ASAP1: variants seen among roughly 807,000 people sequenced by gnomAD.
ASAP1 encodes the protein ArfGAP with SH3 domain, ankyrin repeat and PH domain 1, also known as arf-GAP with SH3 domain, ANK repeat and PH domain-containing protein 1.
Under a neutral mutation model 145.2 loss-of-function variants are expected in ASAP1, and 43 were observed. The observed-to-expected ratio is 0.30, with a 90% CI of 0.23 to 0.38. The LOEUF is 0.38. ASAP1 is among the 10% of genes least tolerant of loss of function. The pLI is 1.00. For synonymous variants in ASAP1, 546 were observed against 515.5 expected, an observed-to-expected ratio of 1.06 and a Z score of -0.80; for missense variants, 1,018 against 1,355.3, an observed-to-expected ratio of 0.75 and a Z score of 3.91.
intron 3 of ASAP1, among the ~76,000 whole-genome samples, chr8:130,317,357 T>C (rs753433736): frequency 6.6e-6 from 1 of 152,146 alleles, no homozygotes; most frequent in South Asian, 2.1e-4. Context: ...ATGACCCTTG[T>C]AGGGGAAAAG....
At chr8:130,227,314 G>A (rs913274561) in intron 4 of ASAP1, among the ~76,000 whole-genome samples, 3 of 152,110 alleles carry the variant, frequency 2.0e-5, no homozygotes, top group South Asian at 2.1e-4. Flanking sequence ...GCACACTGGC[G>A]CAATTACAGC....
chr8:130,413,442 A>T (rs1829348821), intron 1 of ASAP1, among the ~76,000 whole-genome samples: 1 of 152,234 alleles, frequency 6.6e-6, no homozygotes, highest in African/African-American at 2.4e-5. Flanking sequence ...CGTGTCTCCT[A>T]TCAATAAAAT....
At chr8:130,057,741 C>A (rs1435201186) in intron 29 of ASAP1, among the ~76,000 whole-genome samples, 1 of 152,222 alleles carries the variant, frequency 6.6e-6, no homozygotes, top group Non-Finnish European at 1.5e-5. Flanking sequence ...AGCCACTGTG[C>A]CCGGCCAGCT....
intron 3 of ASAP1, among the ~76,000 whole-genome samples, chr8:130,335,669 T>C (rs998921256): frequency 1.3e-5 from 2 of 152,202 alleles, no homozygotes; most frequent in Admixed American, 1.3e-4. Context: ...CTTTCAACAG[T>C]TGATCAAGAG....
chr8:130,262,457 A>AGAGAGGGT (rs796416744), intron 3 of ASAP1, among the ~76,000 whole-genome samples: 41 of 127,878 alleles, frequency 3.2e-4, no homozygotes, highest in Middle Eastern at 4.4e-3. Context: ...AGAGAGAGAG[A>AGAGAGGGT]ACCTGTGGAA....
chr8:130,281,390 GC>G (rs1342118481), intron 3 of ASAP1, among the ~76,000 whole-genome samples: 1 of 152,050 alleles, frequency 6.6e-6, no homozygotes, highest in East Asian at 1.9e-4. Context: ...ACTGACATAT[GC>G]TTATTAACTA....
chr8:130,416,702 G>T (rs1272752022), intron 1 of ASAP1, among the ~76,000 whole-genome samples: 1 of 152,174 alleles, frequency 6.6e-6, no homozygotes, highest in African/African-American at 2.4e-5. Flanking sequence ...CCCCAAAAGG[G>T]GCAGGAGATT....
chr8:130,309,323 C>T (rs1823185372), intron 3 of ASAP1, among the ~76,000 whole-genome samples: 1 of 152,094 alleles, frequency 6.6e-6, no homozygotes, highest in African/African-American at 2.4e-5. Flanking sequence ...TCCTATAAAA[C>T]AACAGAGGAG....
chr8:130,331,210 A>G (rs1182685428), intron 3 of ASAP1, among the ~76,000 whole-genome samples: 1 of 152,192 alleles, frequency 6.6e-6, no homozygotes, highest in Non-Finnish European at 1.5e-5. Context: ...TTTCGAGTGG[A>G]AAGAGCGAGT....
chr8:130,437,734 C>A (rs1830363224), intron 1 of ASAP1, among the ~76,000 whole-genome samples: 2 of 152,304 alleles, frequency 1.3e-5, no homozygotes, highest in East Asian at 1.9e-4. Flanking sequence ...ATGTCAACAT[C>A]CCCCAGAAGC....
At chr8:130,138,213 C>T (rs2097599845) in intron 13 of ASAP1, among the ~76,000 whole-genome samples, 1 of 152,190 alleles carries the variant, frequency 6.6e-6, no homozygotes, top group African/African-American at 2.4e-5. Context: ...GGGCATTAAA[C>T]AATTTCTATT....
chr8:130,223,784 A>G (rs553494608), intron 4 of ASAP1, among the ~76,000 whole-genome samples: 2 of 152,256 alleles, frequency 1.3e-5, no homozygotes, highest in African/African-American at 4.8e-5. Context: ...CTGGGAGCCT[A>G]GCCTCTCTTC....
intron 3 of ASAP1, among the ~76,000 whole-genome samples, chr8:130,345,261 A>T (rs1825639606): frequency 6.6e-6 from 1 of 152,190 alleles, no homozygotes; most frequent in Non-Finnish European, 1.5e-5. Flanking sequence ...CATAAAGAAA[A>T]ATCTGAGAGG....
chr8:130,409,285 T>C (rs915740803), intron 1 of ASAP1, among the ~76,000 whole-genome samples: 13 of 151,556 alleles, frequency 8.6e-5, no homozygotes, highest in Non-Finnish European at 1.8e-4. Context: ...AAAAACCTCC[T>C]CTCCTGTGGT....
intron 3 of ASAP1, among the ~76,000 whole-genome samples, chr8:130,251,559 GAT>G (rs759278627): frequency 4.6e-5 from 7 of 152,076 alleles, no homozygotes; most frequent in Non-Finnish European, 8.8e-5. Flanking sequence ...TCAGCAAAAA[GAT>G]AAATAATTGT....
intron 13 of ASAP1, among the ~76,000 whole-genome samples, chr8:130,138,836 CAAAAAA>C (rs754901058): frequency 1.2e-5 from 1 of 81,428 alleles, no homozygotes. Flanking sequence ...AACTCCGTCT[CAAAAAA>C]AAAAAAAAAA....
intron 1 of ASAP1, among the ~76,000 whole-genome samples, chr8:130,438,676 G>A (rs1478002349): frequency 6.6e-6 from 1 of 152,122 alleles, no homozygotes; most frequent in African/African-American, 2.4e-5. Context: ...GTGTCCCTGG[G>A]TTGAAAGTGA....
intron 1 of ASAP1, among the ~76,000 whole-genome samples, chr8:130,424,210 T>C (rs1025662309): frequency 1.3e-5 from 2 of 152,222 alleles, no homozygotes; most frequent in Non-Finnish European, 2.9e-5. Flanking sequence ...TGTCCTCACA[T>C]GAGACTGCGG....
At chr8:130,328,611 CTTTT>C (rs35169399) in intron 3 of ASAP1, among the ~76,000 whole-genome samples, 1 of 137,500 alleles carries the variant, frequency 7.3e-6, no homozygotes. Flanking sequence ...CTCAGTAGTT[CTTTT>C]TTTTTTTTTT....
Sources: allele counts gnomAD v4.1 joint callset (sites outside exome capture counted in the v4.1 genomes callset), GRCh38; gene constraint gnomAD v4.1.1; transcripts MANE v1.5; gene names NCBI Gene and HGNC (gene_info 2026-07-23, HGNC 2026-07-21).